CTNNA2: variants seen among roughly 807,000 people sequenced by gnomAD.
The protein encoded by CTNNA2 is catenin alpha-2.
A neutral mutation model predicts 101.0 loss-of-function variants in CTNNA2; 42 were observed. The ratio of observed to expected loss-of-function variants is 0.42; its 90% CI spans 0.32 to 0.54. CTNNA2 has a LOEUF of 0.54. Among genes scored for constraint, CTNNA2 ranks in the 20% least tolerant of loss-of-function variants. CTNNA2 has a pLI of 0.14. For synonymous variants in CTNNA2, 450 were observed against 456.4 expected (o/e 0.99, Z 0.18); for missense variants, 871 against 1,223.1 (o/e 0.71, Z 4.29).
intron 7 of CTNNA2, among the ~76,000 whole-genome samples, chr2:80,272,516 T>C (rs191092): frequency 0.93 from 141,324 of 152,254 alleles, 65,677 homozygotes; most frequent in African/African-American, 0.96. Context: ...CTAAAGAACC[T>C]TCAGATTAGC....
intron 2 of CTNNA2, among the ~76,000 whole-genome samples, chr2:79,705,657 T>G (rs1486195402): frequency 6.6e-6 from 1 of 152,214 alleles, no homozygotes; most frequent in Non-Finnish European, 1.5e-5. Context: ...TGATTTTCCT[T>G]ACTTTATGCT....
At chr2:80,635,826 G>A (rs1320628835) in intron 18 of CTNNA2, among the ~76,000 whole-genome samples, 2 of 152,086 alleles carry the variant, frequency 1.3e-5, no homozygotes, top group Non-Finnish European at 2.9e-5. Flanking sequence ...TAGGAAAAAA[G>A]GACCTGATTG....
chr2:79,401,489 A>C (rs1678289905), intron 4 of CTNNA2, among the ~76,000 whole-genome samples: 1 of 151,824 alleles, frequency 6.6e-6, no homozygotes, highest in East Asian at 1.9e-4. Flanking sequence ...GTTATGTCAG[A>C]GCAAATATTT....
intron 2 of CTNNA2, among the ~76,000 whole-genome samples, chr2:79,705,302 GAAA>G (rs1685280670): frequency 6.6e-6 from 1 of 152,130 alleles, no homozygotes; most frequent in Admixed American, 6.5e-5. Context: ...AGTATTTTGA[GAAA>G]GAGAGAGCGA....
chr2:79,643,622 G>A (rs1180042299), intron 1 of CTNNA2, among the ~76,000 whole-genome samples: 1 of 152,138 alleles, frequency 6.6e-6, no homozygotes, highest in Non-Finnish European at 1.5e-5. Flanking sequence ...ACTTACCATT[G>A]TATTACCACT....
intron 7 of CTNNA2, among the ~76,000 whole-genome samples, chr2:80,186,102 C>G (rs536724876): frequency 1.4e-4 from 21 of 152,268 alleles, no homozygotes; most frequent in African/African-American, 4.6e-4. Flanking sequence ...TTAGTCCAAC[C>G]CCACCCCACC....
chr2:79,810,324 A>G (rs1676909650), intron 3 of CTNNA2, among the ~76,000 whole-genome samples: 1 of 152,076 alleles, frequency 6.6e-6, no homozygotes, highest in African/African-American at 2.4e-5. Flanking sequence ...CAAGCGAAAG[A>G]GAAACGCCCA....
chr2:80,533,919 C>T (rs1690764372), intron 9 of CTNNA2, among the ~76,000 whole-genome samples: 1 of 152,246 alleles, frequency 6.6e-6, no homozygotes, highest in Admixed American at 6.5e-5. Flanking sequence ...ATTGATGAGC[C>T]AGCATCAAGA....
At chr2:80,467,601 A>C (rs185791981) in intron 9 of CTNNA2, among the ~76,000 whole-genome samples, 1 of 152,358 alleles carries the variant, frequency 6.6e-6, no homozygotes, top group East Asian at 1.9e-4. Context: ...CTACAATGCA[A>C]TGCTGACTTG....
chr2:80,208,976 G>T (rs541412392), intron 7 of CTNNA2, among the ~76,000 whole-genome samples: 7 of 152,244 alleles, frequency 4.6e-5, no homozygotes, highest in African/African-American at 1.4e-4. Context: ...GCAATAAACT[G>T]CTCCTTCAGT....
chr2:80,441,886 C>G (rs1309554071), intron 9 of CTNNA2, among the ~76,000 whole-genome samples: 1 of 152,164 alleles, frequency 6.6e-6, no homozygotes, highest in Non-Finnish European at 1.5e-5. Flanking sequence ...AGGAGCAAGA[C>G]ATGCCGAGGT....
chr2:80,488,385 G>A (rs1374858736), intron 9 of CTNNA2, among the ~76,000 whole-genome samples: 3 of 152,004 alleles, frequency 2.0e-5, no homozygotes, highest in African/African-American at 4.8e-5. Context: ...TTTGGGTAGG[G>A]AAAATTCCCT....
chr2:80,073,729 G>GTC (rs1318672348), intron 7 of CTNNA2, among the ~76,000 whole-genome samples: 48 of 52,818 alleles, frequency 9.1e-4, no homozygotes, highest in South Asian at 5.6e-3. Context: ...CTCTCTCTCT[G>GTC]TCACACACAC....
At chr2:79,535,694 G>T (rs1243553527) in intron 1 of CTNNA2, among the ~76,000 whole-genome samples, 2 of 151,960 alleles carry the variant, frequency 1.3e-5, no homozygotes, top group Non-Finnish European at 2.9e-5. Context: ...TTTTAGGTAT[G>T]AATGCTATCA....
chr2:80,619,041 G>A lies in CTNNA2; in HGVS notation c.2431-44G>A. 2.1e-6 allele frequency: 2 copies of A among 938,028 alleles called. 1 individual carries two copies. The highest frequency in any genetic ancestry group is 7.4e-4 in the Middle Eastern group (2 of 2,694). 58.1% of individuals were successfully genotyped at this position (938,028 alleles called of 1,614,324 possible). On this transcript the variant is annotated intron_variant, in intron 17 of 18. Transcript: ENST00000402739. ...AGGGTACTTTTTTTTTTTTTCTTTT[G>A]CTCTCTCTCTCATTCTCTCTTTTCT...
chr2:80,023,977 C>T (rs1694756614), intron 7 of CTNNA2, among the ~76,000 whole-genome samples: 2 of 151,080 alleles, frequency 1.3e-5, no homozygotes, highest in African/African-American at 2.4e-5. Context: ...GTCCCAGCTA[C>T]TCAGGAGGCC....
chr2:79,237,515 T>C (rs1160440630), intron 2 of CTNNA2, among the ~76,000 whole-genome samples: 2 of 152,186 alleles, frequency 1.3e-5, no homozygotes, highest in African/African-American at 4.8e-5. Context: ...AGCTTGTCCT[T>C]GAAAGCTTTA....
At chr2:79,220,492 G>C (rs998675168) in intron 2 of CTNNA2, among the ~76,000 whole-genome samples, 1 of 152,096 alleles carries the variant, frequency 6.6e-6, no homozygotes, top group Non-Finnish European at 1.5e-5. Context: ...GTCCCTGTAA[G>C]AATTACAGGC....
At chr2:80,527,547 T>C (rs1361282308) in intron 9 of CTNNA2, among the ~76,000 whole-genome samples, 1 of 151,834 alleles carries the variant, frequency 6.6e-6, no homozygotes, top group African/African-American at 2.4e-5. Context: ...AGCTGGGGAG[T>C]CTTTTAGAAA....
Sources: allele counts gnomAD v4.1 joint callset (sites outside exome capture counted in the v4.1 genomes callset), GRCh38; gene constraint gnomAD v4.1.1; transcripts MANE v1.5; gene names NCBI Gene and HGNC (gene_info 2026-07-23, HGNC 2026-07-21).